Variants in STRBP observed in about 807,000 individuals in gnomAD.
STRBP encodes spermatid perinuclear RNA-binding protein.
Under a neutral mutation model 80.1 loss-of-function variants are expected in STRBP, and 13 were observed. The ratio of observed to expected loss-of-function variants is 0.16; its 90% confidence interval spans 0.11 to 0.26. The LOEUF (loss-of-function observed/expected upper bound fraction) is 0.26. STRBP is among the 10% of genes least tolerant of loss of function. The pLI, the probability that STRBP is intolerant of heterozygous loss-of-function variation, is 1.00. For missense variants in STRBP, 485 were observed against 815.2 expected, an observed-to-expected ratio of 0.59 and a Z score of 4.93; for synonymous variants, 284 against 291.2, an observed-to-expected ratio of 0.98 and a Z score of 0.25.
intron 2 of STRBP, among the ~76,000 whole-genome samples, chr9:123,233,276 C>T (rs747001377): frequency 5.3e-5 from 8 of 152,074 alleles, no homozygotes; most frequent in African/African-American, 1.9e-4. Flanking sequence ...GGTCTCACTA[C>T]GTTGCCCAGG....
intron 1 of STRBP, among the ~76,000 whole-genome samples, chr9:123,255,069 AT>A (rs764735046): frequency 6.6e-6 from 1 of 152,156 alleles, no homozygotes; most frequent in Admixed American, 6.5e-5. Context: ...TTTGCAAATA[AT>A]TTTTTTGTCT....
rs1204101959 is a variant in STRBP at position 123,268,437 on chromosome 9, C to G, written c.-303G>C. 6.5e-6 allele frequency: 1 copy of G among 154,624 alleles called. No homozygotes were observed. The highest frequency in any genetic ancestry group is 1.4e-5 in the Non-Finnish European group (1 of 71,098). The allele number at this position is 154,624 out of a possible 1,614,324, so 9.6% of individuals were successfully genotyped here. A position where few individuals can be genotyped will look rare whatever the true frequency, so the allele number is the denominator to read the frequency against. ...GCCCGCCCCGCCGCCGGAGCCTACCCGCGCCGCCGCGCTCTGCCCGCGCCC... is the reference window on the plus strand; with the variant it reads ...GCCCGCCCCGCCGCCGGAGCCTACCGGCGCCGCCGCGCTCTGCCCGCGCCC... On this transcript the variant is annotated splice_region_variant and 5_prime_UTR_variant, in exon 1 of 19. Transcript: ENST00000348403.
rs933642234 is a variant in STRBP, at chr9:123,123,441, G to A, written c.*2156C>T. 1.3e-5 allele frequency: 13 copies of A among 984,596 alleles called. No individual in the cohort carries two copies. Among genetic ancestry groups the A allele is most frequent in the South Asian group, 4.7e-5 (1 of 21,234 alleles). The allele number at this position is 984,596 out of a possible 1,614,324, so 61.0% of individuals were successfully genotyped here. On this transcript the variant is annotated 3_prime_UTR_variant, in exon 19 of 19. Coordinates refer to ENST00000348403, the MANE Select transcript of STRBP (RefSeq NM_018387.5). The stretch of plus-strand genomic sequence containing the variant: ...ACTTCTAACAAAGGACTGACAGCTC[G>A]ATTATTTTAAGTAAAGCAGAGAAAT...
chr9:123,186,298 T>C (rs1313163786), intron 2 of STRBP, among the ~76,000 whole-genome samples: 1 of 151,926 alleles, frequency 6.6e-6, no homozygotes, highest in Non-Finnish European at 1.5e-5. Context: ...CAGTGAGCCA[T>C]GAACACACCA....
At chr9:123,135,631 C>G (rs1015864079) in intron 16 of STRBP, among the ~76,000 whole-genome samples, 6 of 152,048 alleles carry the variant, frequency 3.9e-5, no homozygotes, top group African/African-American at 1.4e-4. Context: ...TGCAAAAGCA[C>G]GAAACTGCAA....
rs567197851 is a variant in STRBP at position 123,224,547 on chromosome 9, A to G, written c.-165+12283T>C. ...TCATCTTTTCACGCAACTTTCACGGAGCATTTACTACGTGTTCTAGGCCTG... is the reference window on the plus strand; with the variant it reads ...TCATCTTTTCACGCAACTTTCACGGGGCATTTACTACGTGTTCTAGGCCTG... On this transcript the variant is annotated intron_variant, in intron 2 of 18. Coordinates refer to ENST00000348403, the MANE Select transcript of STRBP (RefSeq NM_018387.5). Among the ~76,000 whole-genome samples the G allele has an allele frequency of 7.1e-4, 108 of 152,206 alleles. 1 individual carries two copies. The highest frequency in any genetic ancestry group is 1.4e-3 in the Non-Finnish European group (97 of 68,046).
chr9:123,239,439 T>C (rs1379008286), intron 1 of STRBP, among the ~76,000 whole-genome samples: 1 of 152,172 alleles, frequency 6.6e-6, no homozygotes, highest in Non-Finnish European at 1.5e-5. Context: ...TCTTACCTTT[T>C]TTCCTGGGCC....
intron 1 of STRBP, among the ~76,000 whole-genome samples, chr9:123,255,219 T>G (rs186586244): frequency 4.9e-4 from 75 of 152,376 alleles, no homozygotes; most frequent in Non-Finnish European, 7.8e-4. Flanking sequence ...TTTTGTTAAA[T>G]GTAGGCTGTT....
At chr9:123,174,458 CTTCT>C (rs1307113111) in intron 4 of STRBP, among the ~76,000 whole-genome samples, 1 of 152,108 alleles carries the variant, frequency 6.6e-6, no homozygotes, top group Non-Finnish European at 1.5e-5. Flanking sequence ...AATAAACTTC[CTTCT>C]GTGTTAGTAG....
chr9:123,230,669 T>C (rs955874684), intron 2 of STRBP, among the ~76,000 whole-genome samples: 7 of 152,210 alleles, frequency 4.6e-5, no homozygotes, highest in African/African-American at 1.7e-4. Context: ...AAAGACACTG[T>C]AGGTGATGAG....
intron 2 of STRBP, among the ~76,000 whole-genome samples, chr9:123,223,076 T>TAGAC (rs2132559061): frequency 6.6e-6 from 1 of 151,898 alleles, no homozygotes; most frequent in East Asian, 1.9e-4. Flanking sequence ...GATAGATAGA[T>TAGAC]AGATAGATAG....
intron 2 of STRBP, among the ~76,000 whole-genome samples, chr9:123,224,874 G>A (rs1407503493): frequency 1.3e-5 from 2 of 152,096 alleles, no homozygotes; most frequent in Non-Finnish European, 2.9e-5. Context: ...TACATACCTA[G>A]AGAAACATAT....
At position 123,256,143 on chromosome 9, in the gene STRBP, G is replaced by T. The variant is rs576443495; in HGVS notation, c.-302+12293C>A. On this transcript the variant is annotated intron_variant, in intron 1 of 18. Transcript: ENST00000348403. The stretch of plus-strand genomic sequence containing the variant: ...GGTTCAAGCAATCCTCCAACCTCAG[G>T]CTCCCAAGTAACTGAGACTACAGGC... Among the ~76,000 whole-genome samples the T allele has an allele frequency of 1.6e-4, 23 of 148,112 alleles. No individual in the cohort carries two copies. The South Asian group carries it at 4.5e-3, about 29-fold the overall frequency.
chr9:123,242,347 G>A (rs1564331633), intron 1 of STRBP, among the ~76,000 whole-genome samples: 1 of 152,186 alleles, frequency 6.6e-6, no homozygotes, highest in South Asian at 2.1e-4. Context: ...TCATAAAGAT[G>A]TTGAGTGAAA....
At chr9:123,128,610 C>T (rs886721043) in intron 17 of STRBP, among the ~76,000 whole-genome samples, 14 of 152,248 alleles carry the variant, frequency 9.2e-5, no homozygotes, top group African/African-American at 3.4e-4. Flanking sequence ...GTCGCATCAT[C>T]TGAACCTAGC....
At chr9:123,215,131 A>T (rs1403322539) in intron 2 of STRBP, among the ~76,000 whole-genome samples, 1 of 152,082 alleles carries the variant, frequency 6.6e-6, no homozygotes, top group Non-Finnish European at 1.5e-5. Flanking sequence ...CAGTGGCACA[A>T]TTATAGCTCA....
At chr9:123,116,141 A>T in intron 2 of STRBP, 1 of 455,436 alleles carries the variant, frequency 2.2e-6, no homozygotes, top group Non-Finnish European at 4.4e-6. Flanking sequence ...ACTTCCGAGA[A>T]GTCTCATGAT....
chr9:123,202,009 T>C (rs191442495), intron 2 of STRBP, among the ~76,000 whole-genome samples: 4 of 152,362 alleles, frequency 2.6e-5, no homozygotes, highest in Admixed American at 2.6e-4. Flanking sequence ...ATATTTGCCT[T>C]TACTGTTGTT....
At chr9:123,214,398 C>T (rs995992308) in intron 2 of STRBP, among the ~76,000 whole-genome samples, 1 of 152,120 alleles carries the variant, frequency 6.6e-6, no homozygotes, top group African/African-American at 2.4e-5. Flanking sequence ...GTTCAGTGTA[C>T]ACTGCTTGGG....
Sources: gnomAD v4.1 joint callset for allele counts (sites outside exome capture counted in the v4.1 genomes callset) on GRCh38, gnomAD v4.1.1 for gene constraint, MANE v1.5 for transcripts, NCBI Gene and HGNC (gene_info 2026-07-23, HGNC 2026-07-21) for gene names.